The following PRKCQ variants were observed in gnomAD, a reference collection of about 807,000 sequenced individuals.
PRKCQ encodes protein kinase C theta type.
A neutral mutation model predicts 91.2 loss-of-function variants in PRKCQ; 41 were observed. The ratio of observed to expected loss-of-function variants is 0.45; its 90% confidence interval spans 0.35 to 0.58. PRKCQ has a LOEUF of 0.58. Among genes scored for constraint, PRKCQ ranks in the 20% least tolerant of loss-of-function variants. PRKCQ has a pLI of 0.00. For synonymous variants in PRKCQ, 307 were observed against 316.9 expected (o/e 0.97, Z 0.33); for missense variants, 673 against 896.5 (o/e 0.75, Z 3.18).
intron 1 of PRKCQ, among the ~76,000 whole-genome samples, chr10:6,570,295 C>G (rs1381104978): frequency 2.0e-5 from 3 of 151,988 alleles, no homozygotes; most frequent in East Asian, 3.9e-4. Context: ...GTGTAGACAA[C>G]AATTTGAGGA....
At chr10:6,523,479 A>G (rs1839091846) in intron 1 of PRKCQ, among the ~76,000 whole-genome samples, 1 of 152,120 alleles carries the variant, frequency 6.6e-6, no homozygotes, top group South Asian at 2.1e-4. Flanking sequence ...TAAAGTATAA[A>G]TTGAAGATAA....
At chr10:6,508,021 G>C (rs531315802) in intron 3 of PRKCQ, among the ~76,000 whole-genome samples, 2 of 152,270 alleles carry the variant, frequency 1.3e-5, no homozygotes, top group African/African-American at 4.8e-5. Context: ...AAGAGAGATT[G>C]TATTTTTAGG....
At chr10:6,518,392 T>C (rs1426454499) in intron 1 of PRKCQ, among the ~76,000 whole-genome samples, 1 of 152,194 alleles carries the variant, frequency 6.6e-6, no homozygotes, top group South Asian at 2.1e-4. Context: ...ATTTAAGCTC[T>C]TTTGAACATT....
intron 11 of PRKCQ, among the ~76,000 whole-genome samples, chr10:6,483,028 A>T (rs1836697265): frequency 1.3e-5 from 2 of 152,232 alleles, no homozygotes; most frequent in Admixed American, 1.3e-4. Context: ...AAGCTGGAAG[A>T]TATTTAATAG....
At position 6,491,710 on chromosome 10, in the gene PRKCQ, G is replaced by A. The variant is rs1325074869; in HGVS notation, c.763C>T (p.Leu255=). The A allele has an allele frequency of 1.9e-6, 3 of 1,614,056 alleles. No homozygotes were observed. Among genetic ancestry groups the A allele is most frequent in the African/African-American group, 1.3e-5 (1 of 74,916 alleles). The change falls in exon 8 of 18, where the codon CTG becomes TTG. Residue 255 remains leucine, a synonymous_variant. Coordinates refer to ENST00000263125, the MANE Select transcript of PRKCQ (RefSeq NM_006257.5). ...TCACACTTGAGTCCTTGCCGTGCCA[G>A]TCCCCACAGCAGGGTCCCACAGTGT... ...CEHCGTLLWG[L]ARQGLKCDAC... is the part of the protein sequence containing the mutation.
intron 1 of PRKCQ, among the ~76,000 whole-genome samples, chr10:6,575,597 A>G (rs917006961): frequency 2.0e-5 from 3 of 152,238 alleles, no homozygotes; most frequent in African/African-American, 7.2e-5. Context: ...TACACTAGAA[A>G]AAGGTGTATA....
intron 13 of PRKCQ, among the ~76,000 whole-genome samples, chr10:6,463,222 A>G (rs577652305): frequency 3.9e-5 from 6 of 152,308 alleles, no homozygotes; most frequent in Non-Finnish European, 5.9e-5. Flanking sequence ...TTCATCTTCA[A>G]TGGTGACAAG....
chr10:6,414,792 G>GAA, the PRKCQ span, among the ~76,000 whole-genome samples: 41 of 138,576 alleles, frequency 3.0e-4, 1 homozygote, highest in South Asian at 9.1e-4. Context: ...AAGTGATAAA[G>GAA]AAAAAAAAAA....
chr10:6,431,218 C>A (rs1833405547), intron 16 of PRKCQ, among the ~76,000 whole-genome samples: 1 of 152,180 alleles, frequency 6.6e-6, no homozygotes, highest in Non-Finnish European at 1.5e-5. Context: ...AACTGACAAA[C>A]CTGAGTCAGT....
At chr10:6,513,324 A>T (rs1838580698) in intron 2 of PRKCQ, among the ~76,000 whole-genome samples, 1 of 152,182 alleles carries the variant, frequency 6.6e-6, no homozygotes, top group Admixed American at 6.5e-5. Context: ...ATCAAAAGCA[A>T]AAATCTCTAA....
upstream of PRKCQ, chr10:6,580,296 T>C (rs1342561342): frequency 6.9e-6 from 1 of 145,576 alleles, no homozygotes; most frequent in Non-Finnish European, 1.5e-5. Flanking sequence ...CTGGCGGGGC[T>C]GGCGGGGCTG....
chr10:6,524,919 A>G (rs533187134), intron 1 of PRKCQ, among the ~76,000 whole-genome samples: 1 of 152,258 alleles, frequency 6.6e-6, no homozygotes, highest in East Asian at 1.9e-4. Context: ...CTTGCCATCC[A>G]CCACGGAGTT....
chr10:6,490,256 G>C (rs1224869291), intron 8 of PRKCQ, among the ~76,000 whole-genome samples: 1 of 152,090 alleles, frequency 6.6e-6, no homozygotes, highest in Non-Finnish European at 1.5e-5. Context: ...GGTTCCACCA[G>C]ACATGTGAAC....
intron 2 of PRKCQ, among the ~76,000 whole-genome samples, chr10:6,512,635 G>C (rs1838539426): frequency 6.6e-6 from 1 of 152,176 alleles, no homozygotes; most frequent in Non-Finnish European, 1.5e-5. Context: ...TAAGCAAAAG[G>C]GGAAAAATCT....
At chr10:6,423,512 C>G (rs577586947), downstream of PRKCQ, among the ~76,000 whole-genome samples, 37 of 152,242 alleles carry the variant, frequency 2.4e-4, no homozygotes, top group African/African-American at 8.4e-4. Flanking sequence ...CAGGATGGTT[C>G]CCTGAGTCAG....
At chr10:6,526,425 G>T (rs768988331) in intron 1 of PRKCQ, among the ~76,000 whole-genome samples, 2 of 151,906 alleles carry the variant, frequency 1.3e-5, no homozygotes, top group Non-Finnish European at 2.9e-5. Context: ...AATATAATAT[G>T]AAATACACCA....
intron 8 of PRKCQ, among the ~76,000 whole-genome samples, chr10:6,487,969 TA>T (rs1837023707): frequency 7.0e-6 from 1 of 142,554 alleles, no homozygotes. Context: ...CGTGCCACTG[TA>T]CTCCAGCCTG....
intron 11 of PRKCQ, among the ~76,000 whole-genome samples, chr10:6,483,163 C>G (rs933355065): frequency 1.3e-5 from 2 of 152,174 alleles, no homozygotes; most frequent in Non-Finnish European, 2.9e-5. Context: ...GAGGCACCTT[C>G]CTATTTCTTT....
At chr10:6,498,812 C>T (rs926877760) in intron 4 of PRKCQ, among the ~76,000 whole-genome samples, 1 of 152,162 alleles carries the variant, frequency 6.6e-6, no homozygotes, top group Non-Finnish European at 1.5e-5. Context: ...CAATCCTTCG[C>T]TCCTCTTTGA....
Sources: gnomAD v4.1 joint callset for allele counts (sites outside exome capture counted in the v4.1 genomes callset) on GRCh38, gnomAD v4.1.1 for gene constraint, MANE v1.5 for transcripts, NCBI Gene and HGNC (gene_info 2026-07-23, HGNC 2026-07-21) for gene names.